Variants in CACNA1E observed in about 807,000 individuals in gnomAD.
CACNA1E encodes the protein calcium voltage-gated channel subunit alpha1 E.
CACNA1E carries 40 observed loss-of-function variants against 259.2 expected under a neutral mutation model. The ratio of observed to expected loss-of-function variants is 0.15; its 90% CI spans 0.12 to 0.20. CACNA1E has a LOEUF of 0.20. CACNA1E is among the 10% of genes least tolerant of loss of function. The pLI is 1.00. For synonymous variants in CACNA1E, 1,104 were observed against 1,138.5 expected (o/e 0.97, Z 0.61); for missense variants, 1,874 against 3,040.1 (o/e 0.62, Z 9.02).
chr1:181,747,348 A>G lies in CACNA1E; in HGVS notation c.3720-3128A>G, dbSNP rs796581404. ...GGGCTGGGAGGTGAAGAGCGGGATT[A>G]CATTGAATGATGAGTAATTACACAT... On this transcript the variant is annotated intron_variant, in intron 25 of 47. Transcript: ENST00000367573. Among the ~76,000 whole-genome samples the G allele has an allele frequency of 2.2e-4, 34 of 152,332 alleles. 1 individual carries two copies. The highest frequency in any genetic ancestry group is 7.9e-4 in the African/African-American group (33 of 41,572).
chr1:181,654,711 G>A (rs113916457), intron 7 of CACNA1E, among the ~76,000 whole-genome samples: 156 of 152,236 alleles, frequency 1.0e-3, no homozygotes, highest in African/African-American at 3.2e-3. Flanking sequence ...TGGGCGGGGC[G>A]CGCTGGCTCA....
At chr1:181,367,187 G>A (rs1654336398) in intron 1 of CACNA1E, among the ~76,000 whole-genome samples, 1 of 152,164 alleles carries the variant, frequency 6.6e-6, no homozygotes, top group African/African-American at 2.4e-5. Context: ...GTGCCCTGTC[G>A]CTCATCAGGA....
At chr1:181,550,964 A>C (rs1247089114) in intron 3 of CACNA1E, among the ~76,000 whole-genome samples, 3 of 151,724 alleles carry the variant, frequency 2.0e-5, no homozygotes, top group Non-Finnish European at 2.9e-5. Flanking sequence ...TTACATCCTT[A>C]CGCTGTATCA....
At chr1:181,775,276 G>A (rs1030765537) in intron 37 of CACNA1E, among the ~76,000 whole-genome samples, 2 of 152,180 alleles carry the variant, frequency 1.3e-5, no homozygotes, top group African/African-American at 4.8e-5. Context: ...GAACAGCCAA[G>A]AACCTGGGCC....
chr1:181,487,094 A>G (rs1663894777), intron 1 of CACNA1E, among the ~76,000 whole-genome samples: 1 of 150,926 alleles, frequency 6.6e-6, no homozygotes, highest in Admixed American at 6.6e-5. Context: ...CTGCTTTCAT[A>G]TTGACATTTG....
chr1:181,801,971 C>T lies in CACNA1E; in HGVS notation c.*3137C>T, dbSNP rs1358085072. 1.4e-5 allele frequency: 2 copies of T among 146,518 alleles called. No homozygotes were observed. Among genetic ancestry groups the T allele is most frequent in the South Asian group, 2.2e-4 (1 of 4,610 alleles). The allele number at this position is 146,518 out of a possible 1,614,324, so 9.1% of individuals were successfully genotyped here. A position where few individuals can be genotyped will look rare whatever the true frequency, so the allele number is the denominator to read the frequency against. On this transcript the variant is annotated 3_prime_UTR_variant, in exon 48 of 48. Coordinates refer to ENST00000367573, the MANE Select transcript of CACNA1E (RefSeq NM_001205293.3). Reference sequence around the variant, plus strand: ...TCTAAGTAGGTTTGCATTTAGTTACCCCTCATTTCACTTAAGGCTCCAGAC... The same window carrying T: ...TCTAAGTAGGTTTGCATTTAGTTACTCCTCATTTCACTTAAGGCTCCAGAC...
intron 3 of CACNA1E, among the ~76,000 whole-genome samples, chr1:181,561,121 G>A (rs1391233066): frequency 3.9e-5 from 6 of 152,186 alleles, no homozygotes; most frequent in Non-Finnish European, 5.9e-5. Flanking sequence ...CAGAGTTTCA[G>A]TTAGGGCAGA....
chr1:181,559,564 G>A (rs1255596856), intron 3 of CACNA1E, among the ~76,000 whole-genome samples: 1 of 152,204 alleles, frequency 6.6e-6, no homozygotes, highest in Non-Finnish European at 1.5e-5. Flanking sequence ...CAGAAGGAAA[G>A]GGAGGAATTT....
At chr1:181,358,908 C>A (rs1215327846) in intron 1 of CACNA1E, among the ~76,000 whole-genome samples, 1 of 152,174 alleles carries the variant, frequency 6.6e-6, no homozygotes, top group Non-Finnish European at 1.5e-5. Flanking sequence ...ATTTTATCAG[C>A]AACTCAGAGA....
chr1:181,353,271 G>GA (rs2102678546), intron 1 of CACNA1E, among the ~76,000 whole-genome samples: 1 of 152,282 alleles, frequency 6.6e-6, no homozygotes, highest in East Asian at 1.9e-4. Context: ...AGGCTCTGGG[G>GA]ATACCACAAA....
intron 1 of CACNA1E, among the ~76,000 whole-genome samples, chr1:181,370,197 C>G (rs1056421399): frequency 6.6e-6 from 1 of 151,954 alleles, no homozygotes; most frequent in Non-Finnish European, 1.5e-5. Context: ...GTTAGTGTTG[C>G]CTTCCTCTTT....
rs763485013 is a variant in CACNA1E, at chr1:181,807,353, G to C, written c.*8519G>C. ...TGACCAGCCTCCTCTGAAAAAAGGT[G>C]GGGGGATTATAGGGCACCAGCTCAG... On this transcript the variant is annotated 3_prime_UTR_variant, in exon 48 of 48. Transcript: ENST00000367573. 1.3e-5 allele frequency: 2 copies of C among 152,054 alleles called. No individual in the cohort carries two copies. The highest frequency in any genetic ancestry group is 2.9e-5 in the Non-Finnish European group (2 of 68,078). 9.4% of individuals were successfully genotyped at this position (152,054 alleles called of 1,614,324 possible). A position where few individuals can be genotyped will look rare whatever the true frequency, so the allele number is the denominator to read the frequency against.
Position 181,732,444 on chromosome 1 carries a change from G to A in CACNA1E, c.2358G>A (p.Arg786=). Residue 786 remains arginine (R), a synonymous_variant, in exon 20 of 48, where the codon AGG becomes AGA. Coordinates refer to ENST00000367573, the MANE Select transcript of CACNA1E (RefSeq NM_001205293.3). The surrounding 1 kb of genome is among the most constrained non-coding windows in gnomAD (Gnocchi z 5.5). ...SVWEQRTSQL[R]KHMQMSSQEA... ...GGGAGCAGCGTACCAGCCAGCTGAG[G>A]AAGCACATGCAGATGTCCAGCCAGG... 4 of 1,549,638 alleles carry A rather than the reference G, an allele frequency of 2.6e-6. No individual in the cohort carries two copies. The highest frequency in any genetic ancestry group is 3.5e-6 in the Non-Finnish European group (4 of 1,146,086).
At chr1:181,531,940 C>T (rs1667819053) in intron 3 of CACNA1E, among the ~76,000 whole-genome samples, 1 of 152,204 alleles carries the variant, frequency 6.6e-6, no homozygotes, top group African/African-American at 2.4e-5. Context: ...CCTGTAATCC[C>T]AGCTACTCAG....
rs549215523 is a variant in CACNA1E, at chr1:181,424,827, C to T, written c.434+11247C>T. ...GCCTGGTGCTCAAGCCGGATCGGCC[C>T]GTTCTGTGCTTCCTTTTGTGGTACC... is the stretch of plus-strand genomic sequence containing the variant. On this transcript the variant is annotated intron_variant, in intron 2 of 11. Coordinates refer to the CACNA1E transcript ENST00000524607. 9.2e-5 allele frequency among the ~76,000 whole-genome samples: 14 copies of T among 152,148 alleles called. No homozygotes were observed. The South Asian group carries it at 2.9e-3, about 32-fold the overall frequency.
intron 27 of CACNA1E, among the ~76,000 whole-genome samples, chr1:181,752,482 G>A (rs1290027159): frequency 6.6e-6 from 1 of 152,200 alleles, no homozygotes; most frequent in Non-Finnish European, 1.5e-5. Context: ...CTTCTCTCCG[G>A]TGTGATATGT....
chr1:181,586,203 C>T (rs1212763437), intron 6 of CACNA1E, among the ~76,000 whole-genome samples: 2 of 152,086 alleles, frequency 1.3e-5, no homozygotes. Context: ...TTGCCATTAA[C>T]TAAGCTGGGG....
chr1:181,732,142 C>T lies in CACNA1E; in HGVS notation c.2298-242C>T, dbSNP rs537865519. ...TCCCAGGGTTGATGCCTACCCAGCC[C>T]TCAGCTACTACAAAGCAGGGATTGG... is the stretch of plus-strand genomic sequence containing the variant. On this transcript the variant is annotated intron_variant, in intron 19 of 47. Transcript: ENST00000367573. This position sits in a 1 kb window ranked among gnomAD's most constrained non-coding sequence, Gnocchi z 5.5. Among the ~76,000 whole-genome samples the T allele has an allele frequency of 1.3e-5, 2 of 152,170 alleles. No individual in the cohort carries two copies. The highest frequency in any genetic ancestry group is 4.1e-4 in the South Asian group (2 of 4,820).
At chr1:181,709,476 G>A (rs1456559474) in intron 7 of CACNA1E, among the ~76,000 whole-genome samples, 1 of 152,204 alleles carries the variant, frequency 6.6e-6, no homozygotes, top group African/African-American at 2.4e-5. Context: ...GACACGAACA[G>A]GTGTCTGTTG....
Sources: gnomAD v4.1 joint callset for allele counts (sites outside exome capture counted in the v4.1 genomes callset) on GRCh38, gnomAD v4.1.1 for gene constraint, Gnocchi (gnomAD v3.1) non-coding constraint, MANE v1.5 for transcripts, NCBI Gene and HGNC (gene_info 2026-07-23, HGNC 2026-07-21) for gene names.